GALNTL6: variants seen among roughly 807,000 people sequenced by gnomAD.
GALNTL6 encodes the protein polypeptide N-acetylgalactosaminyltransferase like 6, also known as polypeptide N-acetylgalactosaminyltransferase-like 6.
In GALNTL6, 46 loss-of-function variants were observed where a neutral mutation model predicts 73.7. That is an observed-to-expected ratio of 0.62 (90% confidence interval 0.49 to 0.80). The LOEUF is 0.80. Ranked by LOEUF, GALNTL6 falls within the 30% of genes least tolerant of loss-of-function variation. The probability of loss-of-function intolerance (pLI) is 0.00; values close to 1 mark genes in which losing one functional copy is unlikely to be tolerated. For missense variants in GALNTL6, 604 were observed against 755.0 expected, an observed-to-expected ratio of 0.80 and a Z score of 2.34; for synonymous variants, 259 against 263.7, an observed-to-expected ratio of 0.98 and a Z score of 0.17.
intron 2 of GALNTL6, among the ~76,000 whole-genome samples, chr4:171,924,836 C>T (rs1737931152): frequency 6.6e-6 from 1 of 152,100 alleles, no homozygotes; most frequent in Admixed American, 6.6e-5. Flanking sequence ...AATTAGGTGG[C>T]TTGTAACAAC....
At chr4:172,488,795 C>G (rs1443044132) in intron 5 of GALNTL6, among the ~76,000 whole-genome samples, 2 of 146,974 alleles carry the variant, frequency 1.4e-5, no homozygotes, top group Admixed American at 1.4e-4. Context: ...TGGGTAAGCA[C>G]TCCGTAGCTG....
intron 5 of GALNTL6, among the ~76,000 whole-genome samples, chr4:172,460,630 TG>T (rs1354868515): frequency 6.6e-6 from 1 of 152,236 alleles, no homozygotes; most frequent in Non-Finnish European, 1.5e-5. Flanking sequence ...TTATCATCAC[TG>T]GTCATTAGAG....
At chr4:171,988,332 AG>A (rs1740181221) in intron 2 of GALNTL6, among the ~76,000 whole-genome samples, 1 of 152,218 alleles carries the variant, frequency 6.6e-6, no homozygotes, top group African/African-American at 2.4e-5. Flanking sequence ...AATTATGCCA[AG>A]ATACGTAACA....
At chr4:171,986,604 G>A (rs1037799647) in intron 2 of GALNTL6, among the ~76,000 whole-genome samples, 7 of 152,120 alleles carry the variant, frequency 4.6e-5, no homozygotes, top group South Asian at 4.2e-4. Context: ...TAGGGGTGGC[G>A]TGGGAACCTA....
chr4:172,484,289 T>G (rs1733596991), intron 5 of GALNTL6, among the ~76,000 whole-genome samples: 1 of 152,202 alleles, frequency 6.6e-6, no homozygotes, highest in South Asian at 2.1e-4. Flanking sequence ...TGTGACTAGA[T>G]TTTAGGAAAA....
chr4:171,826,743 A>G (rs1227117133), intron 2 of GALNTL6, among the ~76,000 whole-genome samples: 1 of 152,082 alleles, frequency 6.6e-6, no homozygotes, highest in Non-Finnish European at 1.5e-5. Context: ...GTGAGGTAGG[A>G]GATTTGAGGG....
intron 2 of GALNTL6, among the ~76,000 whole-genome samples, chr4:171,980,708 G>C (rs1018302629): frequency 9.9e-5 from 15 of 152,146 alleles, no homozygotes; most frequent in African/African-American, 3.6e-4. Flanking sequence ...ATCACCTCCA[G>C]CTCTGAAGTT....
chr4:172,971,720 A>G (rs185260962), intron 10 of GALNTL6, among the ~76,000 whole-genome samples: 19 of 152,342 alleles, frequency 1.2e-4, no homozygotes, highest in East Asian at 7.7e-4. Flanking sequence ...GCTATTATAA[A>G]TAATATTAGT....
chr4:172,014,065 G>A lies in GALNTL6; in HGVS notation c.138+199347G>A, dbSNP rs1369399446. The stretch of plus-strand genomic sequence containing the variant: ...ATGACAGGATTTCATTCTTTTTTAT[G>A]GCTCAGTAGCACTCCATTGTGCATA... On this transcript the variant is annotated intron_variant, in intron 2 of 12. Coordinates refer to ENST00000506823, the MANE Select transcript of GALNTL6 (RefSeq NM_001034845.3). 2.6e-5 allele frequency among the ~76,000 whole-genome samples: 4 copies of A among 152,044 alleles called. No homozygotes were observed. In the East Asian group the frequency reaches 5.8e-4, roughly 22 times the overall value.
intron 2 of GALNTL6, among the ~76,000 whole-genome samples, chr4:171,845,847 A>T (rs1241982441): frequency 2.0e-5 from 3 of 152,194 alleles, no homozygotes; most frequent in Non-Finnish European, 4.4e-5. Context: ...GTTCTTAATA[A>T]TTAATACAGG....
chr4:171,889,815 A>G (rs1002271108), intron 2 of GALNTL6, among the ~76,000 whole-genome samples: 8 of 152,128 alleles, frequency 5.3e-5, no homozygotes, highest in Non-Finnish European at 1.5e-5. Flanking sequence ...TATGAAGTTT[A>G]TAGCAGAGCA....
intron 2 of GALNTL6, among the ~76,000 whole-genome samples, chr4:171,863,061 A>T (rs188536337): frequency 7.2e-4 from 110 of 152,318 alleles, no homozygotes; most frequent in Non-Finnish European, 1.4e-3. Flanking sequence ...TATGTAGGAA[A>T]GTTAGGTATC....
chr4:171,850,870 T>C (rs1020486257), intron 2 of GALNTL6, among the ~76,000 whole-genome samples: 1 of 152,212 alleles, frequency 6.6e-6, no homozygotes, highest in Non-Finnish European at 1.5e-5. Flanking sequence ...TTTACACTAC[T>C]GAATGCTACA....
At chr4:172,543,756 C>T (rs1303638789) in intron 5 of GALNTL6, among the ~76,000 whole-genome samples, 1 of 152,172 alleles carries the variant, frequency 6.6e-6, no homozygotes, top group Non-Finnish European at 1.5e-5. Context: ...ACTGCCAATA[C>T]TGGAAATGCA....
intron 8 of GALNTL6, among the ~76,000 whole-genome samples, chr4:172,898,219 A>AT (rs1370071572): frequency 1.3e-5 from 2 of 151,828 alleles, no homozygotes; most frequent in Admixed American, 6.6e-5. Context: ...CATATGAACA[A>AT]TTTTTTTATT....
At chr4:172,453,818 G>A (rs994917584) in intron 5 of GALNTL6, among the ~76,000 whole-genome samples, 1 of 152,084 alleles carries the variant, frequency 6.6e-6, no homozygotes, top group Non-Finnish European at 1.5e-5. Flanking sequence ...AGGCCACTGC[G>A]ACACCCTTAG....
chr4:172,921,300 G>A (rs1024465651), intron 8 of GALNTL6, among the ~76,000 whole-genome samples: 1 of 152,122 alleles, frequency 6.6e-6, no homozygotes, highest in Non-Finnish European at 1.5e-5. Flanking sequence ...CCTGATCATA[G>A]TGCTCCCTTA....
intron 5 of GALNTL6, among the ~76,000 whole-genome samples, chr4:172,644,217 CACAT>C (rs1373209601): frequency 1.3e-5 from 2 of 151,604 alleles, no homozygotes; most frequent in African/African-American, 4.8e-5. Context: ...TGTACATACA[CACAT>C]ATACAGTGTA....
chr4:172,685,930 A>G (rs1161147616), intron 5 of GALNTL6, among the ~76,000 whole-genome samples: 2 of 152,166 alleles, frequency 1.3e-5, no homozygotes, highest in Admixed American at 6.5e-5. Context: ...GCTGTATGCC[A>G]TCTGTCCAAG....
Sources: allele counts gnomAD v4.1 joint callset (sites outside exome capture counted in the v4.1 genomes callset), GRCh38; gene constraint gnomAD v4.1.1; transcripts MANE v1.5; gene names NCBI Gene and HGNC (gene_info 2026-07-23, HGNC 2026-07-21).